Variants in COBLL1 observed in about 807,000 individuals in gnomAD.
COBLL1 encodes the protein cordon-bleu WH2 repeat protein like 1.
COBLL1 carries 50 observed loss-of-function variants against 94.8 expected under a neutral mutation model. That is an observed-to-expected ratio of 0.53 (90% CI 0.42 to 0.67). The LOEUF is 0.67. Among genes scored for constraint, COBLL1 ranks in the 30% least tolerant of loss-of-function variants. COBLL1 has a pLI of 0.00. For synonymous variants in COBLL1, 448 were observed against 473.8 expected (o/e 0.95, Z 0.71); for missense variants, 1,362 against 1,348.7 (o/e 1.01, Z -0.15).
intron 13 of COBLL1, chr2:164,687,213 CTTTTT>C: frequency 2.0e-5 from 7 of 342,986 alleles, no homozygotes; most frequent in East Asian, 1.0e-4. Flanking sequence ...GACTTTCTTT[CTTTTT>C]TTTTTTTTTG....
chr2:164,768,567 T>A (rs1233154116), intron 2 of COBLL1, among the ~76,000 whole-genome samples: 5 of 152,138 alleles, frequency 3.3e-5, no homozygotes, highest in Admixed American at 3.3e-4. Flanking sequence ...CCAGAAACCA[T>A]TTTTATTCAT....
intron 2 of COBLL1, among the ~76,000 whole-genome samples, chr2:164,798,635 T>C (rs1291327741): frequency 6.6e-6 from 1 of 152,230 alleles, no homozygotes; most frequent in East Asian, 1.9e-4. Flanking sequence ...AGGGGGACTA[T>C]CTGCTAACAA....
intron 2 of COBLL1, among the ~76,000 whole-genome samples, chr2:164,664,552 GCAGA>G (rs1401314350): frequency 6.6e-6 from 1 of 152,200 alleles, no homozygotes; most frequent in African/African-American, 2.4e-5. Flanking sequence ...ATCAATCATT[GCAGA>G]CAAAGTCAAT....
intron 3 of COBLL1, among the ~76,000 whole-genome samples, chr2:164,731,792 G>A (rs1348722451): frequency 1.3e-5 from 2 of 152,118 alleles, no homozygotes; most frequent in Non-Finnish European, 2.9e-5. Context: ...CAGGGAAATG[G>A]GGCTAGAAAT....
intron 2 of COBLL1, among the ~76,000 whole-genome samples, chr2:164,792,214 C>T (rs181195418): frequency 1.1e-4 from 17 of 152,100 alleles, no homozygotes; most frequent in African/African-American, 4.1e-4. Flanking sequence ...CTGCAACCTC[C>T]ACCTCCTGAA....
rs1211200396 is a variant in COBLL1, at chr2:164,684,137, T to A, written c.*1809A>T. The A allele has an allele frequency of 6.6e-6, 1 of 152,146 alleles. No homozygotes were observed. Among genetic ancestry groups the A allele is most frequent in the Non-Finnish European group, 1.5e-5 (1 of 68,004 alleles). The allele number at this position is 152,146 out of a possible 1,614,324, so 9.4% of individuals were successfully genotyped here. On this transcript the variant is annotated 3_prime_UTR_variant, in exon 14 of 14. Coordinates refer to ENST00000652658, the MANE Select transcript of COBLL1 (RefSeq NM_001365672.2). ...GTGGTACCTTTCCATGTTTTTAACT[T>A]GTATTTCCCTGATTATCAGTGAAGA...
intron 2 of COBLL1, among the ~76,000 whole-genome samples, chr2:164,787,123 G>C (rs1688997713): frequency 6.6e-6 from 1 of 152,096 alleles, no homozygotes; most frequent in Non-Finnish European, 1.5e-5. Flanking sequence ...TAAGGAATTG[G>C]ACATCTGGCT....
chr2:164,774,711 T>C (rs1027348995), intron 2 of COBLL1, among the ~76,000 whole-genome samples: 1 of 152,178 alleles, frequency 6.6e-6, no homozygotes, highest in African/African-American at 2.4e-5. Flanking sequence ...TACCTACATC[T>C]GTCTCCACAA....
chr2:164,713,661 C>T (rs971909714), intron 7 of COBLL1, among the ~76,000 whole-genome samples: 1 of 152,122 alleles, frequency 6.6e-6, no homozygotes, highest in African/African-American at 2.4e-5. Flanking sequence ...ACTCATTAAC[C>T]TAAGCATGTC....
chr2:164,683,097 T>C lies in COBLL1; in HGVS notation c.*2849A>G, dbSNP rs1683118277. The C allele has an allele frequency of 6.6e-6, 1 of 151,800 alleles. No homozygotes were observed. The highest frequency in any genetic ancestry group is 6.6e-5 in the Admixed American group (1 of 15,196). 9.4% of individuals were successfully genotyped at this position (151,800 alleles called of 1,614,324 possible). ...TCATATAAATACATCTATATAGGGCTTCATATCAAAATATTAACAGCTATC... is the reference window on the plus strand; with the variant it reads ...TCATATAAATACATCTATATAGGGCCTCATATCAAAATATTAACAGCTATC... On this transcript the variant is annotated 3_prime_UTR_variant, in exon 14 of 14. Transcript: ENST00000652658.
intron 4 of COBLL1, 31 bp downstream of exon 4, chr2:164,729,875 GACTGAATA>G (rs749340316): frequency 2.0e-6 from 3 of 1,518,632 alleles, no homozygotes; most frequent in Non-Finnish European, 2.7e-6. Context: ...TGCTGATAAT[GACTGAATA>G]AGACATCAAA....
chr2:164,712,900 ATATGTG>A (rs1402893851), intron 7 of COBLL1, among the ~76,000 whole-genome samples: 1 of 152,180 alleles, frequency 6.6e-6, no homozygotes, highest in African/African-American at 2.4e-5. Context: ...GTCCACTGTT[ATATGTG>A]TATCTTTTTA....
chr2:164,791,341 C>T (rs992336148), intron 2 of COBLL1, among the ~76,000 whole-genome samples: 2 of 145,724 alleles, frequency 1.4e-5, no homozygotes, highest in East Asian at 1.9e-4. Context: ...CCTTTAATGA[C>T]ATGGTTAAAC....
At chr2:164,717,209 C>A (rs1452620048) in intron 7 of COBLL1, among the ~76,000 whole-genome samples, 1 of 152,084 alleles carries the variant, frequency 6.6e-6, no homozygotes, top group Non-Finnish European at 1.5e-5. Context: ...ACAGCGCACC[C>A]TTGTGGTTTA....
intron 13 of COBLL1, among the ~76,000 whole-genome samples, chr2:164,686,648 C>T (rs1558916836): frequency 6.6e-6 from 1 of 151,604 alleles, no homozygotes; most frequent in Admixed American, 6.6e-5. Context: ...AATTCTATGG[C>T]AAAGTCTTCT....
intron 2 of COBLL1, among the ~76,000 whole-genome samples, chr2:164,802,128 CAAATT>C (rs1249413206): frequency 1.3e-5 from 2 of 152,138 alleles, no homozygotes; most frequent in Non-Finnish European, 2.9e-5. Context: ...AGTCAACTCT[CAAATT>C]AGATAGCAGA....
chr2:164,753,453 A>AC (rs1333671105), intron 2 of COBLL1, among the ~76,000 whole-genome samples: 2 of 150,962 alleles, frequency 1.3e-5, no homozygotes, highest in Non-Finnish European at 1.5e-5. Context: ...GCACAAACAA[A>AC]AAAAAAAAAT....
chr2:164,735,497 G>C (rs1238427057), intron 3 of COBLL1, among the ~76,000 whole-genome samples: 2 of 152,156 alleles, frequency 1.3e-5, no homozygotes, highest in African/African-American at 4.8e-5. Context: ...TGTAACACAG[G>C]AAAGCTGACC....
intron 2 of COBLL1, among the ~76,000 whole-genome samples, chr2:164,817,988 A>G (rs1684861684): frequency 6.6e-6 from 1 of 152,020 alleles, no homozygotes; most frequent in South Asian, 2.1e-4. Context: ...CTCAATCACA[A>G]ATAAGGCTTT....
Sources: gnomAD v4.1 joint callset for allele counts (sites outside exome capture counted in the v4.1 genomes callset) on GRCh38, gnomAD v4.1.1 for gene constraint, MANE v1.5 for transcripts, NCBI Gene and HGNC (gene_info 2026-07-23, HGNC 2026-07-21) for gene names.